The following TMEM165 variants were observed in gnomAD, a reference collection of about 807,000 sequenced individuals.
TMEM165 encodes the protein transmembrane protein 165.
A neutral mutation model predicts 30.0 loss-of-function variants in TMEM165; 19 were observed. The ratio of observed to expected loss-of-function variants is 0.63; its 90% CI spans 0.44 to 0.93. The LOEUF is 0.93. TMEM165 is among the 40% of genes least tolerant of loss of function. The pLI, the probability that TMEM165 is intolerant of heterozygous loss-of-function variation, is 0.00. For missense variants in TMEM165, 340 were observed against 417.0 expected, an observed-to-expected ratio of 0.82 and a Z score of 1.61; for synonymous variants, 168 against 162.9, an observed-to-expected ratio of 1.03 and a Z score of -0.24.
At chr4:55,439,142 G>A (rs899319863) in intron 3 of TMEM165, among the ~76,000 whole-genome samples, 5 of 152,120 alleles carry the variant, frequency 3.3e-5, no homozygotes, top group Non-Finnish European at 7.4e-5. Context: ...TAACCAGAAT[G>A]TCTAAGAGCT....
chr4:55,438,214 A>T (rs960680714), intron 3 of TMEM165: 4 of 1,552,336 alleles, frequency 2.6e-6, no homozygotes, highest in African/African-American at 2.7e-5. Context: ...AAATCTGTTC[A>T]CTTAATGCTT....
intron 3 of TMEM165, among the ~76,000 whole-genome samples, chr4:55,440,615 A>G (rs1024907419): frequency 3.9e-5 from 6 of 152,248 alleles, no homozygotes; most frequent in African/African-American, 1.4e-4. Context: ...AAAATTGTCC[A>G]TATTAAGAAA....
At position 55,396,350 on chromosome 4, in the gene TMEM165, A is replaced by G; in HGVS notation, c.161A>G (p.Gln54Arg). 2 of 1,512,280 alleles carry G rather than the reference A, an allele frequency of 1.3e-6. No individual in the cohort carries two copies. The highest frequency in any genetic ancestry group is 2.7e-5 in the East Asian group (1 of 37,162). The allele number at this position is 1,512,280 out of a possible 1,614,324, so 93.7% of individuals were successfully genotyped here. ...KEPPAPAQQL[Q>R]PQPVAVQGPE... Reference sequence around the variant, plus strand: ...CCGCCGGCGCCGGCCCAGCAGCTGCAGCCGCAGCCTGTGGCTGTGCAGGGC... The same window carrying G: ...CCGCCGGCGCCGGCCCAGCAGCTGCGGCCGCAGCCTGTGGCTGTGCAGGGC... The change falls in exon 1 of 6, where the codon CAG (glutamine) becomes CGG (arginine). Residue 54 changes from glutamine to arginine, a missense_variant. This residue lies in a region of TMEM165 where 120 missense variants were observed against 109.4 expected (regional missense o/e 1.10). Transcript: ENST00000381334.
At chr4:55,417,040 G>A (rs994647780) in intron 2 of TMEM165, 32 bp from the exon 3 acceptor site, 23 of 1,533,880 alleles carry the variant, frequency 1.5e-5, no homozygotes, top group Non-Finnish European at 1.8e-5. Context: ...ATACACACTC[G>A]ATTAACAAAC....
At chr4:55,450,346 G>A (rs1724318756) in intron 3 of TMEM165, 2 of 1,120,884 alleles carry the variant, frequency 1.8e-6, no homozygotes, top group African/African-American at 1.5e-5. Flanking sequence ...CAAGGCAAAA[G>A]TACCTGTATG....
downstream of TMEM165, among the ~76,000 whole-genome samples, chr4:55,427,517 G>GTATT (rs1298242258): frequency 1.3e-5 from 2 of 148,610 alleles, no homozygotes; most frequent in East Asian, 2.0e-4. Context: ...TAATTTTTTT[G>GTATT]TATTTTCAGT....
At chr4:55,402,652 T>C (rs1721071793) in intron 1 of TMEM165, among the ~76,000 whole-genome samples, 1 of 145,370 alleles carries the variant, frequency 6.9e-6, no homozygotes, top group African/African-American at 2.7e-5. Flanking sequence ...TTTGCCACGT[T>C]GGCCAGGCTG....
intron 1 of TMEM165, chr4:55,403,148 A>C: frequency 1.2e-6 from 1 of 839,214 alleles, no homozygotes. Flanking sequence ...GCAAATTGTA[A>C]GCATTTTCTT....
chr4:55,412,076 C>G lies in TMEM165; in HGVS notation c.433+237C>G, dbSNP rs969024385. 5.3e-6 allele frequency: 3 copies of G among 570,686 alleles called. No individual in the cohort carries two copies. The African/African-American group carries it at 5.7e-5, about 11-fold the overall frequency. The allele number at this position is 570,686 out of a possible 1,614,324, so 35.4% of individuals were successfully genotyped here. A position where few individuals can be genotyped will look rare whatever the true frequency, so the allele number is the denominator to read the frequency against. On this transcript the variant is annotated intron_variant, in intron 2 of 5. Transcript: ENST00000381334. ...CTTCAATTTAAGGAATTGCAAAGAT[C>G]TAATTTCTGTTATATTGTGTAAAGT...
downstream of TMEM165, among the ~76,000 whole-genome samples, chr4:55,426,718 C>T (rs1384137272): frequency 6.6e-6 from 1 of 152,180 alleles, no homozygotes; most frequent in African/African-American, 2.4e-5. Flanking sequence ...ACAATGTAGT[C>T]TGCAATTTGA....
intron 3 of TMEM165, chr4:55,435,234 T>A: frequency 1.5e-6 from 1 of 677,062 alleles, no homozygotes; most frequent in Non-Finnish European, 2.6e-6. Context: ...CTGGCTGGTA[T>A]TTAATGTACA....
rs550417252 is a variant in TMEM165 at position 55,448,762 on chromosome 4, CAAAA to C, written c.409-3475_409-3472del. The stretch of plus-strand genomic sequence containing the variant: ...ATCATATTCAAATACGCAACTGAAA[CAAAA>C]ACCAAAAAGTACCTGGGACATGCCT... On this transcript the variant is annotated intron_variant, in intron 3 of 3. Transcript: ENST00000608091. 7.8e-5 allele frequency: 125 copies of C among 1,608,284 alleles called. No individual in the cohort carries two copies. The African/African-American group carries it at 1.5e-3, about 19-fold the overall frequency.
intron 1 of TMEM165, among the ~76,000 whole-genome samples, chr4:55,405,959 T>G (rs184127575): frequency 6.6e-6 from 1 of 152,328 alleles, no homozygotes; most frequent in East Asian, 1.9e-4. Flanking sequence ...ATGCCTATAT[T>G]CTTTCACATT....
chr4:55,435,442 G>A lies in TMEM165; in HGVS notation c.408+10799G>A, dbSNP rs556856022. 27 of 1,613,920 alleles carry A rather than the reference G, an allele frequency of 1.7e-5. No individual in the cohort carries two copies. The African/African-American group carries it at 1.7e-4, about 10-fold the overall frequency. Reference sequence around the variant, plus strand: ...ACTGTGGTTGAACCTTGGAAGGGTCGGGCAAGCTGTCAGTCCTGTGCCGGC... The same window carrying A: ...ACTGTGGTTGAACCTTGGAAGGGTCAGGCAAGCTGTCAGTCCTGTGCCGGC... On this transcript the variant is annotated intron_variant, in intron 3 of 3. Coordinates refer to the TMEM165 transcript ENST00000608091.
chr4:55,406,763 G>A (rs1043098602), intron 1 of TMEM165, among the ~76,000 whole-genome samples: 5 of 151,858 alleles, frequency 3.3e-5, no homozygotes, highest in African/African-American at 9.7e-5. Flanking sequence ...GGGCTCAAGC[G>A]ATCCTCTCAC....
chr4:55,443,906 T>C (rs1723575475), intron 3 of TMEM165: 5 of 1,609,172 alleles, frequency 3.1e-6, no homozygotes, highest in East Asian at 2.2e-5. Flanking sequence ...TCTTTAAAAA[T>C]AAAGATTATG....
intron 1 of TMEM165, among the ~76,000 whole-genome samples, chr4:55,409,540 A>G (rs551334673): frequency 7.0e-4 from 107 of 152,192 alleles, no homozygotes; most frequent in African/African-American, 2.6e-3. Flanking sequence ...GACATTTTGG[A>G]TATATAATTC....
chr4:55,415,919 A>T (rs976853044), intron 2 of TMEM165: 5 of 151,904 alleles, frequency 3.3e-5, no homozygotes, highest in African/African-American at 1.2e-4. Flanking sequence ...CAGTGGCATG[A>T]TCGCAGCTCA....
chr4:55,418,961 A>G (rs1199203073), intron 4 of TMEM165, among the ~76,000 whole-genome samples: 4 of 151,812 alleles, frequency 2.6e-5, no homozygotes, highest in African/African-American at 4.8e-5. Flanking sequence ...AGGAGAATTG[A>G]TTGAACCGGG....
Sources: gnomAD v4.1 joint callset for allele counts (sites outside exome capture counted in the v4.1 genomes callset) on GRCh38, gnomAD v4.1.1 for gene constraint, gnomAD v4.1.1 regional missense constraint, MANE v1.5 for transcripts, NCBI Gene and HGNC (gene_info 2026-07-23, HGNC 2026-07-21) for gene names.